USP7: variants seen among roughly 807,000 people sequenced by gnomAD.
USP7 encodes ubiquitin specific peptidase 7, also known as ubiquitin C-terminal hydrolase 7.
A neutral mutation model predicts 162.9 loss-of-function variants in USP7; 9 were observed. That is an observed-to-expected ratio of 0.06 (90% CI 0.03 to 0.10). USP7 has a LOEUF of 0.10. Ranked by LOEUF, USP7 falls within the 10% of genes least tolerant of loss-of-function variation. The probability of loss-of-function intolerance (pLI) is 1.00; values close to 1 mark genes in which losing one functional copy is unlikely to be tolerated. For synonymous variants in USP7, 562 were observed against 475.9 expected, an observed-to-expected ratio of 1.18 and a Z score of -2.35; for missense variants, 715 against 1,373.7, an observed-to-expected ratio of 0.52 and a Z score of 7.58.
rs1457164287 is a variant in USP7 at position 8,894,582 on chromosome 16, T to G, written c.3170A>C (p.Glu1057Ala). Residue 1057 changes from glutamate (E) to alanine (A), a missense_variant, in exon 30 of 31, where the codon GAA becomes GCA. This residue lies in a region of USP7 where 222 missense variants were observed against 441.7 expected (regional missense o/e 0.50). Transcript: ENST00000344836. ...RHQYINEDEY[E>A]VNLKDFEPQP... Reference sequence around the variant, plus strand: ...TGGCTCAAAGTCTTTCAAATTTACTTCATACTCGTCTTCATTTATGTACTG... The same window carrying G: ...TGGCTCAAAGTCTTTCAAATTTACTGCATACTCGTCTTCATTTATGTACTG... 1.2e-6 allele frequency: 2 copies of G among 1,613,386 alleles called. No individual in the cohort carries two copies. The highest frequency in any genetic ancestry group is 1.7e-6 in the Non-Finnish European group (2 of 1,180,022).
At chr16:8,933,666 TG>T (rs1441476428) in intron 1 of USP7, among the ~76,000 whole-genome samples, 1 of 152,122 alleles carries the variant, frequency 6.6e-6, no homozygotes, top group African/African-American at 2.4e-5. Flanking sequence ...TTGCCCAGGT[TG>T]GTCTTGAACT....
At chr16:8,917,976 G>C (rs1424913745) in intron 6 of USP7, among the ~76,000 whole-genome samples, 1 of 151,972 alleles carries the variant, frequency 6.6e-6, no homozygotes, top group South Asian at 2.1e-4. Context: ...ATTTTTACTA[G>C]AGACGGGGTT....
intron 1 of USP7, among the ~76,000 whole-genome samples, chr16:8,932,421 C>T (rs1471582703): frequency 6.6e-6 from 1 of 152,064 alleles, no homozygotes; most frequent in Non-Finnish European, 1.5e-5. Context: ...ATTTTTAAAG[C>T]TTATTTCTGA....
chr16:8,899,328 A>T (rs1596352506), intron 22 of USP7, 140 bp from the exon 23 acceptor site: 1 of 836,630 alleles, frequency 1.2e-6, no homozygotes, highest in Non-Finnish European at 1.9e-6. Flanking sequence ...AATAAACTAT[A>T]TTATTCCTTA....
Position 8,908,575 on chromosome 16 carries a change from T to C in USP7, c.1162-125A>G, listed in dbSNP as rs1420434719. 9 of 734,702 alleles carry C rather than the reference T, an allele frequency of 1.2e-5. No individual in the cohort carries two copies. The African/African-American group carries it at 1.6e-4, about 13-fold the overall frequency. The allele number at this position is 734,702 out of a possible 1,614,324, so 45.5% of individuals were successfully genotyped here. ...ACTCTGGAGACAAAGGCAGGGAAGT[T>C]TAGGTGTCCATTTAGGGCATCTTTG... On this transcript the variant is annotated intron_variant, in intron 11 of 30. Transcript: ENST00000344836.
chr16:8,897,747 A>ATATATAT (rs1491214554), intron 25 of USP7, among the ~76,000 whole-genome samples: 12 of 117,972 alleles, frequency 1.0e-4, no homozygotes, highest in South Asian at 2.8e-4. Context: ...ATATATATAT[A>ATATATAT]AATGAGTTGG....
At chr16:8,906,837 G>A (rs534189331) in intron 12 of USP7, among the ~76,000 whole-genome samples, 7 of 152,300 alleles carry the variant, frequency 4.6e-5, no homozygotes, top group Admixed American at 6.5e-5. Flanking sequence ...TCTGAAGGTC[G>A]AGGTTAAGAC....
chr16:8,961,443 G>A (rs1336676802), intron 1 of USP7, among the ~76,000 whole-genome samples: 1 of 132,082 alleles, frequency 7.6e-6, no homozygotes, highest in Non-Finnish European at 1.6e-5. Context: ...AGTGACCCGA[G>A]ATCGCGCCAC....
chr16:8,918,282 C>T (rs1009621851), intron 6 of USP7, among the ~76,000 whole-genome samples: 4 of 152,048 alleles, frequency 2.6e-5, no homozygotes, highest in Admixed American at 1.3e-4. Flanking sequence ...CCAGGAGTGC[C>T]GATTTCCTGT....
At chr16:8,925,158 G>A (rs917440881) in intron 2 of USP7, among the ~76,000 whole-genome samples, 1 of 152,208 alleles carries the variant, frequency 6.6e-6, no homozygotes, top group Non-Finnish European at 1.5e-5. Context: ...GTGAGGAAAT[G>A]GAGGTTCGCC....
intron 10 of USP7, 67 bp from the exon 11 acceptor site, chr16:8,910,894 A>G (rs2141190901): frequency 7.7e-7 from 1 of 1,295,838 alleles, no homozygotes; most frequent in South Asian, 1.2e-5. Flanking sequence ...ACACAGGTGT[A>G]AGTTATTTAA....
rs552447120 is a variant in USP7 at position 8,911,536 on chromosome 16, A to G, written c.1079-709T>C. On this transcript the variant is annotated intron_variant, in intron 10 of 30. Coordinates refer to ENST00000344836, the MANE Select transcript of USP7 (RefSeq NM_003470.3). ...GAAAAACGCAACTGCACAACACTGA[A>G]AACAGCGCTGTCACGCTCCGGACAC... Among the ~76,000 whole-genome samples the G allele has an allele frequency of 1.2e-4, 19 of 152,298 alleles. No homozygotes were observed. In the South Asian group the frequency reaches 3.7e-3, roughly 30 times the overall value.
Position 8,921,219 on chromosome 16 carries a change from T to C in USP7, c.460A>G (p.Ile154Val). 6.2e-7 allele frequency: 1 copy of C among 1,614,086 alleles called. No individual in the cohort carries two copies. The highest frequency in any genetic ancestry group is 8.5e-7 in the Non-Finnish European group (1 of 1,180,006). ...TCTTTATGGAAGAACAAATGACTAA[T>C]ACGACGACTGAACGACTTTTCATCA... ...RDDEKSFSRR[I>V]SHLFFHKEND... is the part of the protein sequence containing the mutation. Residue 154 changes from isoleucine (I) to valine (V), a missense_variant, in exon 4 of 31, where the codon ATT becomes GTT. Coordinates refer to ENST00000344836, the MANE Select transcript of USP7 (RefSeq NM_003470.3).
At chr16:8,898,727 G>C (rs892917052) in intron 23 of USP7, 88 bp from the exon 24 acceptor site, 9 of 1,080,780 alleles carry the variant, frequency 8.3e-6, no homozygotes, top group Admixed American at 5.4e-5. Context: ...CAAACCGCTG[G>C]CCTTACACCT....
In USP7 at chr16:8,920,450, A is replaced by G; in HGVS notation, c.523-3T>C. On this transcript the variant is annotated splice_region_variant and splice_polypyrimidine_tract_variant and intron_variant, in intron 4 of 30. Coordinates refer to ENST00000344836, the MANE Select transcript of USP7 (RefSeq NM_003470.3). The stretch of plus-strand genomic sequence containing the variant: ...CCTTTCTCAGGATCGGTCACTTCCT[A>G]TAAAACATAAATAAGAATATCCAGC... 3 of 1,606,298 alleles carry G rather than the reference A, an allele frequency of 1.9e-6. No individual in the cohort carries two copies. Among genetic ancestry groups the G allele is most frequent in the East Asian group, 2.2e-5 (1 of 44,864 alleles).
intron 22 of USP7, 184 bp downstream of exon 22, chr16:8,899,420 C>A: frequency 1.2e-6 from 1 of 866,204 alleles, no homozygotes; most frequent in East Asian, 2.6e-5. Flanking sequence ...TCTACAGGTT[C>A]TTTTCTGATG....
intron 1 of USP7, among the ~76,000 whole-genome samples, chr16:8,932,841 T>C (rs530905983): frequency 6.6e-6 from 1 of 152,268 alleles, no homozygotes; most frequent in Admixed American, 6.5e-5. Context: ...GAAAAATTTT[T>C]AAGAAGTAAC....
chr16:8,910,016 A>T (rs1263062291), intron 11 of USP7, among the ~76,000 whole-genome samples: 1 of 152,212 alleles, frequency 6.6e-6, no homozygotes, highest in African/African-American at 2.4e-5. Context: ...CTGACAGCTG[A>T]CTACAAAATG....
At chr16:8,938,413 C>T (rs777872147) in intron 1 of USP7, among the ~76,000 whole-genome samples, 1 of 151,686 alleles carries the variant, frequency 6.6e-6, no homozygotes, top group Non-Finnish European at 1.5e-5. Flanking sequence ...ACAAACCGCA[C>T]ATCAAAAACA....
Sources: allele counts gnomAD v4.1 joint callset (sites outside exome capture counted in the v4.1 genomes callset), GRCh38; gene constraint gnomAD v4.1.1; regional missense constraint gnomAD v4.1.1; transcripts MANE v1.5; gene names NCBI Gene and HGNC (gene_info 2026-07-23, HGNC 2026-07-21).